CC2D1A: variants seen among roughly 807,000 people sequenced by gnomAD.
CC2D1A encodes coiled-coil and C2 domain containing 1A.
Under a neutral mutation model 123.8 loss-of-function variants are expected in CC2D1A, and 68 were observed. That is an observed-to-expected ratio of 0.55 (90% CI 0.45 to 0.67). CC2D1A has a LOEUF of 0.67. Ranked by LOEUF, CC2D1A falls within the 30% of genes least tolerant of loss-of-function variation. CC2D1A has a pLI of 0.00. For synonymous variants in CC2D1A, 477 were observed against 528.0 expected (o/e 0.90, Z 1.32); for missense variants, 1,185 against 1,290.3 (o/e 0.92, Z 1.25).
intron 12 of CC2D1A, 198 bp from the exon 13 acceptor site, chr19:13,920,359 A>G (rs1971365982): frequency 1.7e-6 from 1 of 591,096 alleles, no homozygotes; most frequent in Middle Eastern, 4.4e-4. Context: ...TGGACGATAC[A>G]GTGATACTCT....
chr19:13,926,806 CCT>C lies in CC2D1A; in HGVS notation c.2074-10_2074-9del. 1 of 1,614,072 alleles carries C rather than the reference CCT, an allele frequency of 6.2e-7. No homozygotes were observed. Among genetic ancestry groups the C allele is most frequent in the South Asian group, 1.1e-5 (1 of 91,080 alleles). On this transcript the variant is annotated splice_polypyrimidine_tract_variant and intron_variant, in intron 19 of 28. Transcript: ENST00000318003. ...CCCAGGCCCCCTAGATTTCCTGCCT[CCT>C]CTCTGGTCATAGGAAGAAGCTCAGA...
intron 24 of CC2D1A, among the ~76,000 whole-genome samples, chr19:13,928,771 C>T (rs12978703): frequency 9.6e-5 from 14 of 146,210 alleles, no homozygotes; most frequent in Admixed American, 3.5e-4. Flanking sequence ...TGCAATGGCG[C>T]GATCTCAGCT....
chr19:13,929,328 G>T (rs768977832), intron 24 of CC2D1A, 51 bp from the exon 25 acceptor site: 5 of 1,582,950 alleles, frequency 3.2e-6, no homozygotes, highest in Admixed American at 1.7e-5. Flanking sequence ...GAATTAACAG[G>T]GTTGGGCTGG....
At chr19:13,908,561 G>A (rs1368248429) in intron 1 of CC2D1A, among the ~76,000 whole-genome samples, 1 of 151,754 alleles carries the variant, frequency 6.6e-6, no homozygotes, top group Non-Finnish European at 1.5e-5. Context: ...CCACCTCCCA[G>A]GTTCAAGCAA....
chr19:13,916,454 C>G (rs1389228736), intron 6 of CC2D1A, among the ~76,000 whole-genome samples: 1 of 152,024 alleles, frequency 6.6e-6, no homozygotes, highest in Non-Finnish European at 1.5e-5. Flanking sequence ...GTCCCAGCTA[C>G]TTGGGAGGCT....
At chr19:13,924,525 A>G (rs1177133452) in intron 17 of CC2D1A, among the ~76,000 whole-genome samples, 2 of 151,846 alleles carry the variant, frequency 1.3e-5, no homozygotes, top group African/African-American at 4.8e-5. Flanking sequence ...GCGGGAGTAC[A>G]GTGGCGCAAT....
intron 22 of CC2D1A, 26 bp from the exon 23 acceptor site, chr19:13,927,866 CA>C (rs764060581): frequency 4.3e-6 from 7 of 1,609,606 alleles, no homozygotes; most frequent in South Asian, 3.3e-5. Context: ...TGCTTCCCAC[CA>C]ACAGTTTCTC....
At chr19:13,909,753 C>G (rs1259707244) in intron 1 of CC2D1A, 70 bp from the exon 2 acceptor site, 10 of 1,600,942 alleles carry the variant, frequency 6.2e-6, no homozygotes, top group Non-Finnish European at 8.6e-6. Flanking sequence ...AGGGGACTCT[C>G]TGGCCATCAT....
At chr19:13,924,315 C>A (rs986900726) in intron 17 of CC2D1A, among the ~76,000 whole-genome samples, 1 of 150,178 alleles carries the variant, frequency 6.7e-6, no homozygotes, top group Non-Finnish European at 1.5e-5. Flanking sequence ...GGACTACAGC[C>A]GCCCACCACC....
rs745826746 is a variant in CC2D1A at position 13,928,226 on chromosome 19, C to T, written c.2519+38C>T. ...GCCAGGGCATGCTGGAGAAAACACC[C>T]AATTCCCCTCTCAGCCCCACCTGGA... On this transcript the variant is annotated intron_variant, in intron 24 of 28. Transcript: ENST00000318003. 78 of 1,564,502 alleles carry T rather than the reference C, an allele frequency of 5.0e-5. 4 individuals are homozygous for T. The South Asian group carries it at 8.6e-4, about 17-fold the overall frequency.
chr19:13,928,274 T>C, intron 24 of CC2D1A, 86 bp downstream of exon 24: 1 of 1,175,962 alleles, frequency 8.5e-7, no homozygotes. Flanking sequence ...AGGCACAAAT[T>C]GGACCACGTC....
intron 1 of CC2D1A, among the ~76,000 whole-genome samples, chr19:13,908,891 C>T (rs1400787228): frequency 6.6e-6 from 1 of 151,736 alleles, no homozygotes; most frequent in Admixed American, 6.6e-5. Context: ...TCCTTCCCTC[C>T]TTCCTCCCTC....
At position 13,917,270 on chromosome 19, in the gene CC2D1A, G is replaced by A. The variant is rs147242929; in HGVS notation, c.749-800G>A. ...GGATCACTTGAGCCCAGGAGTTTGA[G>A]ACTAGCCTGGACAACATAGTAAGAC... On this transcript the variant is annotated intron_variant, in intron 6 of 28. Transcript: ENST00000318003. 6.3e-3 allele frequency among the ~76,000 whole-genome samples: 959 copies of A among 152,030 alleles called. 8 individuals carry two copies. The highest frequency in any genetic ancestry group is 8.7e-3 in the Non-Finnish European group (589 of 67,992).
chr19:13,922,909 G>A (rs1971456771), intron 14 of CC2D1A, among the ~76,000 whole-genome samples: 1 of 152,038 alleles, frequency 6.6e-6, no homozygotes, highest in Non-Finnish European at 1.5e-5. Flanking sequence ...AGAAAGAACA[G>A]AGGCCGGGCA....
Position 13,930,678 on chromosome 19 carries a change from G to A in CC2D1A, c.*283G>A. The A allele has an allele frequency of 2.0e-6, 1 of 500,966 alleles. No homozygotes were observed. Among genetic ancestry groups the A allele is most frequent in the East Asian group, 3.2e-5 (1 of 31,384 alleles). 31.0% of individuals were successfully genotyped at this position (500,966 alleles called of 1,614,324 possible). A position where few individuals can be genotyped will look rare whatever the true frequency, so the allele number is the denominator to read the frequency against. The stretch of plus-strand genomic sequence containing the variant: ...GGCCTCTGGCCCGCCCCGGAGCAGG[G>A]AGGGTGGCTGGGGCCAAGCCCCGAG... On this transcript the variant is annotated 3_prime_UTR_variant, in exon 29 of 29. Transcript: ENST00000318003. This position sits in a 1 kb window ranked among gnomAD's most constrained non-coding sequence, Gnocchi z 6.8.
rs753866885 is a variant in CC2D1A, at chr19:13,923,816, G to A, written c.1940+5G>A. 48 of 1,608,732 alleles carry A rather than the reference G, an allele frequency of 3.0e-5. No individual in the cohort carries two copies. The Admixed American group carries it at 8.0e-4, about 27-fold the overall frequency. On this transcript the variant is annotated splice_donor_5th_base_variant and intron_variant, in intron 17 of 28. Transcript: ENST00000318003. This position sits in a 1 kb window ranked among gnomAD's most constrained non-coding sequence, Gnocchi z 5.3. ...AAGGACCTTCAGCGTCATCAAGTAA[G>A]GCTCCTGATCTACGCCCCACCACGT...
In CC2D1A at chr19:13,928,602, T is replaced by C. The variant is rs372717347; in HGVS notation, c.2519+414T>C. On this transcript the variant is annotated intron_variant, in intron 24 of 28. Transcript: ENST00000318003. ...AGCCCTCCCTGACCACTAGGCATCA[T>C]AGTTTCCTGGGTGTGCAGCCATCAT... 4.0e-4 allele frequency among the ~76,000 whole-genome samples: 60 copies of C among 151,890 alleles called. No individual in the cohort carries two copies. The South Asian group carries it at 6.5e-3, about 16-fold the overall frequency.
chr19:13,919,893 T>C lies in CC2D1A; in HGVS notation c.1298T>C (p.Met433Thr). 1.9e-6 allele frequency: 3 copies of C among 1,613,222 alleles called. No individual in the cohort carries two copies. The highest frequency in any genetic ancestry group is 1.3e-5 in the African/African-American group (1 of 74,920). Residue 433 changes from methionine (M) to threonine (T), a missense_variant, in exon 12 of 29, where the codon ATG (methionine) becomes ACG (threonine). Transcript: ENST00000318003. ...QSLVGVLETAMKLANQDEGPE... is the reference protein window; with the variant it reads ...QSLVGVLETATKLANQDEGPE... Reference sequence around the variant, plus strand: ...CTGGTGGGTGTCCTGGAGACTGCCATGAAGCTGGCCAACCAGGATGAAGGC... The same window carrying C: ...CTGGTGGGTGTCCTGGAGACTGCCACGAAGCTGGCCAACCAGGATGAAGGC...
intron 14 of CC2D1A, among the ~76,000 whole-genome samples, chr19:13,921,282 T>G (rs1971404077): frequency 6.6e-6 from 1 of 152,190 alleles, no homozygotes; most frequent in Non-Finnish European, 1.5e-5. Context: ...TCACTATTGC[T>G]TGTCTCCCAT....
Sources: gnomAD v4.1 joint callset for allele counts (sites outside exome capture counted in the v4.1 genomes callset) on GRCh38, gnomAD v4.1.1 for gene constraint, Gnocchi (gnomAD v3.1) non-coding constraint, MANE v1.5 for transcripts, NCBI Gene and HGNC (gene_info 2026-07-23, HGNC 2026-07-21) for gene names.